Variants in NFILZ observed in about 807,000 individuals in gnomAD.
NFILZ encodes NFIL3 like basic leucine zipper.
chr19:8,643,876 C>T (rs2042928736), intron 3 of NFILZ, among the ~76,000 whole-genome samples: 1 of 152,120 alleles, frequency 6.6e-6, no homozygotes, highest in Non-Finnish European at 1.5e-5. Context: ...CTGTCGCTCT[C>T]TCTCCACCTT....
intron 3 of NFILZ, among the ~76,000 whole-genome samples, chr19:8,662,502 C>T (rs138164157): frequency 3.0e-4 from 45 of 152,054 alleles, no homozygotes; most frequent in African/African-American, 9.6e-4. Context: ...TGGAGGAACA[C>T]GGAGGAGGCC....
At chr19:8,643,531 C>G (rs1204660669) in intron 3 of NFILZ, among the ~76,000 whole-genome samples, 1 of 152,070 alleles carries the variant, frequency 6.6e-6, no homozygotes, top group Non-Finnish European at 1.5e-5. Context: ...ATGGTGCTCC[C>G]CAATGTGGGC....
rs1454101299 is a variant in NFILZ, at chr19:8,643,165, G to A, written c.-164+7419G>A. 2.0e-5 allele frequency among the ~76,000 whole-genome samples: 3 copies of A among 152,040 alleles called. No homozygotes were observed. The East Asian group carries it at 5.8e-4, about 29-fold the overall frequency. ...GGGTCTCCCTCTGTTGCTCAGGCTG[G>A]TCTCAAACTCCTGGGCTCAAGTGAA... is the stretch of plus-strand genomic sequence containing the variant. On this transcript the variant is annotated intron_variant, in intron 3 of 5. Transcript: ENST00000691075.
Position 8,653,510 on chromosome 19 carries a change from T to C in NFILZ, c.-164+17764T>C, listed in dbSNP as rs540660954. On this transcript the variant is annotated intron_variant, in intron 3 of 5. Transcript: ENST00000691075. The stretch of plus-strand genomic sequence containing the variant: ...CACCAGGAACGCTGCTCGAAATAAA[T>C]GTTCAACTGCACGCATGTTTTTTCC... Among the ~76,000 whole-genome samples the C allele has an allele frequency of 2.6e-5, 4 of 152,158 alleles. No individual in the cohort carries two copies. In the South Asian group the frequency reaches 8.3e-4, roughly 31 times the overall value.
rs1188593328 is a variant in NFILZ at position 8,679,263 on chromosome 19, C to G, written c.*1628C>G. Among the ~76,000 whole-genome samples, 1 of 131,968 alleles carries G rather than the reference C, an allele frequency of 7.6e-6. No homozygotes were observed. Among genetic ancestry groups the G allele is most frequent in the African/African-American group, 3.1e-5 (1 of 32,780 alleles). The allele number at this position is 131,968 out of a possible 152,430, so 86.6% of individuals were successfully genotyped here. The stretch of plus-strand genomic sequence containing the variant: ...TCCTCCTCAGTTTCTCACTCAGCCC[C>G]TCTCCCATTATTATTATTATTATTA... On this transcript the variant is annotated 3_prime_UTR_variant, in exon 6 of 6. Transcript: ENST00000691075.
chr19:8,635,384 C>T (rs540857609), intron 2 of NFILZ, among the ~76,000 whole-genome samples: 9 of 151,762 alleles, frequency 5.9e-5, no homozygotes, highest in Middle Eastern at 3.4e-3. Flanking sequence ...GCAATTCCTG[C>T]GTGCCCCTCT....
At position 8,678,215 on chromosome 19, in the gene NFILZ, A is replaced by T. The variant is rs553817000; in HGVS notation, c.*580A>T. 1.6e-3 allele frequency among the ~76,000 whole-genome samples: 207 copies of T among 127,116 alleles called. No individual in the cohort carries two copies. The highest frequency in any genetic ancestry group is 2.7e-3 in the Non-Finnish European group (164 of 59,860). The allele number at this position is 127,116 out of a possible 152,430, so 83.4% of individuals were successfully genotyped here. A position where few individuals can be genotyped will look rare whatever the true frequency, so the allele number is the denominator to read the frequency against. On this transcript the variant is annotated 3_prime_UTR_variant, in exon 6 of 6. Transcript: ENST00000691075. ...CGTCCATCTATCCATCCATCCATTCATCCATCCGTCCATCCATTCAGCCAT... is the reference window on the plus strand; with the variant it reads ...CGTCCATCTATCCATCCATCCATTCTTCCATCCGTCCATCCATTCAGCCAT...
Position 8,653,691 on chromosome 19 carries a change from G to A in NFILZ, c.-164+17945G>A, listed in dbSNP as rs78899977. Among the ~76,000 whole-genome samples, 1,135 of 152,286 alleles carry A rather than the reference G, an allele frequency of 7.5e-3. 19 individuals carry two copies. The highest frequency in any genetic ancestry group is 0.026 in the African/African-American group (1,078 of 41,550). ...TCGCAGCAATTTGGATGGAGCTAGG[G>A]CCATTATTCTAAGTGAAGTAATTCT... On this transcript the variant is annotated intron_variant, in intron 3 of 5. Transcript: ENST00000691075.
At chr19:8,658,160 G>A (rs2043013555) in intron 3 of NFILZ, among the ~76,000 whole-genome samples, 1 of 152,190 alleles carries the variant, frequency 6.6e-6, no homozygotes, top group Non-Finnish European at 1.5e-5. Context: ...AGGCCTGCGT[G>A]CCTGAAACAG....
At chr19:8,647,960 C>G (rs1238407944) in intron 3 of NFILZ, among the ~76,000 whole-genome samples, 2 of 151,728 alleles carry the variant, frequency 1.3e-5, no homozygotes, top group African/African-American at 4.8e-5. Flanking sequence ...ATCACGAGAT[C>G]AGGAGATCAA....
chr19:8,632,001 T>G (rs1341825088), intron 1 of NFILZ, among the ~76,000 whole-genome samples: 3 of 151,988 alleles, frequency 2.0e-5, no homozygotes, highest in African/African-American at 4.8e-5. Context: ...TCTCCAGTAC[T>G]GGGATTACAG....
chr19:8,661,101 T>C (rs1600150325), intron 3 of NFILZ, among the ~76,000 whole-genome samples: 1 of 26,096 alleles, frequency 3.8e-5, no homozygotes, highest in Non-Finnish European at 7.6e-5. Context: ...CCTCCCTTCC[T>C]CCTTCCTTCC....
Position 8,656,459 on chromosome 19 carries a change from T to TTC in NFILZ, c.-163-18092_-163-18091insTC, listed in dbSNP as rs2146154654. Among the ~76,000 whole-genome samples the TTC allele has an allele frequency of 1.3e-3, 89 of 66,078 alleles. 27 individuals are homozygous for TTC. In the East Asian group the frequency reaches 0.018, roughly 14 times the overall value. The allele number at this position is 66,078 out of a possible 152,430, so 43.3% of individuals were successfully genotyped here. On this transcript the variant is annotated intron_variant, in intron 3 of 5. Coordinates refer to ENST00000691075, the MANE Select transcript of NFILZ (RefSeq NM_001378600.1). ...CACCTTCTCCTCGAAGCCCACCTTC[T>TTC]CTCTGAAGCCCACCTTCTCCCGCAG...
intron 4 of NFILZ, among the ~76,000 whole-genome samples, chr19:8,675,463 C>A (rs1400696317): frequency 6.6e-6 from 1 of 152,148 alleles, no homozygotes; most frequent in Non-Finnish European, 1.5e-5. Flanking sequence ...TTTCTGGGCT[C>A]CACCCTAGGG....
At chr19:8,636,144 G>A (rs1555746070) in intron 3 of NFILZ, among the ~76,000 whole-genome samples, 1 of 151,688 alleles carries the variant, frequency 6.6e-6, no homozygotes, top group African/African-American at 2.4e-5. Flanking sequence ...GCCAAAACCA[G>A]CCTTTTAAAA....
intron 3 of NFILZ, among the ~76,000 whole-genome samples, chr19:8,636,810 T>C (rs1477775124): frequency 6.6e-6 from 1 of 152,018 alleles, no homozygotes; most frequent in African/African-American, 2.4e-5. Flanking sequence ...CAGGCTGGCC[T>C]CGAACTCCTG....
chr19:8,659,392 A>G (rs1309689030), intron 3 of NFILZ, among the ~76,000 whole-genome samples: 2 of 152,142 alleles, frequency 1.3e-5, no homozygotes, highest in Admixed American at 1.3e-4. Context: ...CCCAGAGAAT[A>G]TGTGATCAGA....
intron 3 of NFILZ, among the ~76,000 whole-genome samples, chr19:8,641,519 A>G (rs1352645342): frequency 1.3e-5 from 2 of 152,184 alleles, no homozygotes; most frequent in African/African-American, 4.8e-5. Flanking sequence ...AATTTTATCC[A>G]CAGAGCCCAT....
intron 3 of NFILZ, among the ~76,000 whole-genome samples, chr19:8,663,433 G>C (rs1417339455): frequency 3.8e-5 from 5 of 132,482 alleles, no homozygotes; most frequent in Non-Finnish European, 6.4e-5. Flanking sequence ...GGTGGAGGGG[G>C]AGCTGGTGGT....
Sources: gnomAD v4.1 joint callset for allele counts (sites outside exome capture counted in the v4.1 genomes callset) on GRCh38, gnomAD v4.1.1 for gene constraint, MANE v1.5 for transcripts, NCBI Gene and HGNC (gene_info 2026-07-23, HGNC 2026-07-21) for gene names.